PLAG1: variants seen among roughly 807,000 people sequenced by gnomAD.
PLAG1 encodes the protein PLAG1 zinc finger, also known as zinc finger protein PLAG1.
A neutral mutation model predicts 35.5 loss-of-function variants in PLAG1; 7 were observed. The ratio of observed to expected loss-of-function variants is 0.20; its 90% CI spans 0.11 to 0.37. PLAG1 has a LOEUF of 0.37. PLAG1 is among the 10% of genes least tolerant of loss of function. The pLI is 1.00. For synonymous variants in PLAG1, 229 were observed against 225.4 expected (o/e 1.02, Z -0.14); for missense variants, 454 against 602.8 (o/e 0.75, Z 2.58).
intron 2 of PLAG1, chr8:56,178,110 G>A (rs1051429177): frequency 4.1e-6 from 2 of 490,394 alleles, no homozygotes; most frequent in African/African-American, 2.1e-5. Context: ...TTTAGAAATA[G>A]CCAGTGAAGT....
intron 1 of PLAG1, among the ~76,000 whole-genome samples, chr8:56,208,261 G>T (rs1166046394): frequency 6.6e-6 from 1 of 152,126 alleles, no homozygotes; most frequent in Non-Finnish European, 1.5e-5. Flanking sequence ...AGTCTTAATG[G>T]CATTCTGAAA....
rs367971972 is a variant in PLAG1 at position 56,167,171 on chromosome 8, C to T, written c.575G>A (p.Arg192His). ...EKKHQCEHCD[R>H]RFYTRKDVRR... ...GACATCCTTTCGGGTGTAGAACCGG[C>T]GATCACAATGTTCGCACTGGTGCTT... The change falls in exon 5 of 5, where the codon CGC (arginine) becomes CAC (histidine). Residue 192 changes from arginine to histidine, a missense_variant. By Grantham distance (29) the Arg-to-His change is conservative. Around this residue, in one of 4 missense-constraint regions of PLAG1, gnomAD observed 170 missense variants for 226.3 expected, o/e 0.75. Transcript: ENST00000316981. The surrounding 1 kb of genome is among the most constrained non-coding windows in gnomAD (Gnocchi z 5.9). The T allele has an allele frequency of 2.2e-5, 36 of 1,613,514 alleles. No individual in the cohort carries two copies. Among genetic ancestry groups the T allele is most frequent in the South Asian group, 1.3e-4 (12 of 91,064 alleles).
At position 56,164,443 on chromosome 8, in the gene PLAG1, C is replaced by G. The variant is rs1364157928; in HGVS notation, c.*1800G>C. 1.4e-5 allele frequency: 3 copies of G among 219,988 alleles called. No homozygotes were observed. The highest frequency in any genetic ancestry group is 6.7e-5 in the African/African-American group (3 of 44,566). The allele number at this position is 219,988 out of a possible 1,614,324, so 13.6% of individuals were successfully genotyped here. On this transcript the variant is annotated 3_prime_UTR_variant, in exon 5 of 5. Coordinates refer to ENST00000316981, the MANE Select transcript of PLAG1 (RefSeq NM_002655.3). ...TAAATAATGTATTATATTCAGTAAT[C>G]TGCACTCATTTTTAGAAATTCTTGG...
chr8:56,188,714 T>G (rs1234026581), intron 1 of PLAG1, among the ~76,000 whole-genome samples: 3 of 152,224 alleles, frequency 2.0e-5, no homozygotes, highest in Non-Finnish European at 4.4e-5. Flanking sequence ...TTTTTTACCT[T>G]TCTTTAACTT....
chr8:56,178,909 G>A (rs369374954), intron 2 of PLAG1, among the ~76,000 whole-genome samples: 10 of 151,152 alleles, frequency 6.6e-5, no homozygotes, highest in South Asian at 2.1e-4. Flanking sequence ...CAACAATGCT[G>A]GCAAATTGCT....
rs943645179 is a variant in PLAG1 at position 56,160,981 on chromosome 8, C to T, written c.*5262G>A. On this transcript the variant is annotated 3_prime_UTR_variant, in exon 5 of 5. Coordinates refer to ENST00000316981, the MANE Select transcript of PLAG1 (RefSeq NM_002655.3). ...TCTTATTCTTACAGCAAACATAACACTGTAGGCCACAAGAAGCTGCAGTAC... is the reference window on the plus strand; with the variant it reads ...TCTTATTCTTACAGCAAACATAACATTGTAGGCCACAAGAAGCTGCAGTAC... 3.3e-5 allele frequency: 6 copies of T among 179,656 alleles called. No homozygotes were observed. Among genetic ancestry groups the T allele is most frequent in the African/African-American group, 7.1e-5 (3 of 42,358 alleles). 11.1% of individuals were successfully genotyped at this position (179,656 alleles called of 1,614,324 possible).
intron 1 of PLAG1, among the ~76,000 whole-genome samples, chr8:56,195,541 G>A (rs1812334680): frequency 6.6e-6 from 1 of 152,214 alleles, no homozygotes; most frequent in Non-Finnish European, 1.5e-5. Flanking sequence ...GCAGAGGGCA[G>A]GTGCCAGAGA....
intron 1 of PLAG1, among the ~76,000 whole-genome samples, chr8:56,180,615 C>T (rs1298917060): frequency 6.6e-6 from 1 of 152,158 alleles, no homozygotes; most frequent in Non-Finnish European, 1.5e-5. Flanking sequence ...ACGTTTAAGT[C>T]TTAAATCCAT....
chr8:56,180,147 C>T (rs945989551), intron 1 of PLAG1, among the ~76,000 whole-genome samples: 1 of 152,206 alleles, frequency 6.6e-6, no homozygotes, highest in Non-Finnish European at 1.5e-5. Context: ...TCAATGTTTG[C>T]ATCCGTCTGT....
At chr8:56,176,046 CTTTTTTT>C (rs1309523141) in intron 2 of PLAG1, among the ~76,000 whole-genome samples, 1 of 130,104 alleles carries the variant, frequency 7.7e-6, no homozygotes, top group Non-Finnish European at 1.6e-5. Flanking sequence ...TTTTCCTTTT[CTTTTTTT>C]TTTTTTTTTT....
In PLAG1 at chr8:56,166,936, C is replaced by T. The variant is rs766316215; in HGVS notation, c.810G>A (p.Met270Ile). ...VPIKDELLPV[M>I]SLPSSELLSK... ...ATAACAGTTCACTGGAAGGTAAGGA[C>T]ATCACCGGAAGGAGCTCGTCTTTTA... The change falls in exon 5 of 5, where the codon ATG becomes ATA. Residue 270 changes from methionine (M) to isoleucine (I), a missense_variant. Met to Ile is a conservative substitution (Grantham distance 10). Around this residue, in one of 4 missense-constraint regions of PLAG1, gnomAD observed 271 missense variants for 315.6 expected, o/e 0.86. Coordinates refer to ENST00000316981, the MANE Select transcript of PLAG1 (RefSeq NM_002655.3). 6.2e-7 allele frequency: 1 copy of T among 1,614,084 alleles called. No individual in the cohort carries two copies. Among genetic ancestry groups the T allele is most frequent in the South Asian group, 1.1e-5 (1 of 91,088 alleles).
chr8:56,201,530 C>T (rs1812553608), intron 1 of PLAG1, among the ~76,000 whole-genome samples: 1 of 152,148 alleles, frequency 6.6e-6, no homozygotes, highest in Non-Finnish European at 1.5e-5. Flanking sequence ...ATTACTCTGT[C>T]AACTCTATGC....
intron 1 of PLAG1, among the ~76,000 whole-genome samples, chr8:56,194,020 C>T (rs1418498792): frequency 6.6e-6 from 1 of 152,048 alleles, no homozygotes; most frequent in Admixed American, 6.5e-5. Flanking sequence ...GCCCGGCCTT[C>T]ATTAGGTAAA....
chr8:56,165,694 T>C lies in PLAG1; in HGVS notation c.*549A>G. On this transcript the variant is annotated 3_prime_UTR_variant, in exon 5 of 5. Transcript: ENST00000316981. ...CAGACAACAGGGAGTCTTCAGAATATACTGATCTGAAATTATGGTGTATCT... is the reference window on the plus strand; with the variant it reads ...CAGACAACAGGGAGTCTTCAGAATACACTGATCTGAAATTATGGTGTATCT... 5.1e-6 allele frequency: 1 copy of C among 197,012 alleles called. No individual in the cohort carries two copies. Among genetic ancestry groups the C allele is most frequent in the East Asian group, 8.0e-5 (1 of 12,556 alleles). 12.2% of individuals were successfully genotyped at this position (197,012 alleles called of 1,614,324 possible). A position where few individuals can be genotyped will look rare whatever the true frequency, so the allele number is the denominator to read the frequency against.
chr8:56,164,740 G>C lies in PLAG1; in HGVS notation c.*1503C>G, dbSNP rs1029163561. 3 of 215,200 alleles carry C rather than the reference G, an allele frequency of 1.4e-5. No homozygotes were observed. Among genetic ancestry groups the C allele is most frequent in the Non-Finnish European group, 2.8e-5 (3 of 106,492 alleles). 13.3% of individuals were successfully genotyped at this position (215,200 alleles called of 1,614,324 possible). A position where few individuals can be genotyped will look rare whatever the true frequency, so the allele number is the denominator to read the frequency against. On this transcript the variant is annotated 3_prime_UTR_variant, in exon 5 of 5. Transcript: ENST00000316981. ...TTAGACCTTTAAGAAGATTATGTTG[G>C]TTGTCTAATGTGAGGAAAAGCCTAT...
chr8:56,166,374 G>C lies in PLAG1; in HGVS notation c.1372C>G (p.Pro458Ala), dbSNP rs35883156. ...GGATCCTGAAGATCCTGTGTTTGTG[G>C]GGGGAGCTGGGAAACAGAAGAATGT... ...EAHSSVSQLP[P>A]QTQDLQDPAN... is the part of the protein sequence containing the mutation. Residue 458 changes from proline to alanine, a missense_variant, in exon 5 of 5, where the codon CCA (proline) becomes GCA (alanine). Around this residue, in one of 4 missense-constraint regions of PLAG1, gnomAD observed 271 missense variants for 315.6 expected, o/e 0.86. Coordinates refer to ENST00000316981, the MANE Select transcript of PLAG1 (RefSeq NM_002655.3). 3.1e-6 allele frequency: 5 copies of C among 1,613,736 alleles called. No homozygotes were observed. In the East Asian group the frequency reaches 6.7e-5, roughly 22 times the overall value.
intron 1 of PLAG1, among the ~76,000 whole-genome samples, chr8:56,203,929 A>T (rs2129235125): frequency 6.6e-6 from 1 of 152,138 alleles, no homozygotes; most frequent in African/African-American, 2.4e-5. Flanking sequence ...ACAATTTTAA[A>T]GGTGCAAGGA....
chr8:56,179,913 C>A (rs904599259), intron 1 of PLAG1, among the ~76,000 whole-genome samples: 3 of 152,032 alleles, frequency 2.0e-5, no homozygotes, highest in Non-Finnish European at 4.4e-5. Context: ...AGAAATCTTG[C>A]CCCATGAGTG....
rs886078832 is a variant in PLAG1, at chr8:56,178,695, GT to G, written c.-217+713del. 1.4e-3 allele frequency among the ~76,000 whole-genome samples: 212 copies of G among 151,052 alleles called. 1 individual carries two copies. The highest frequency in any genetic ancestry group is 4.8e-3 in the African/African-American group (196 of 41,208). On this transcript the variant is annotated intron_variant, in intron 2 of 4. Transcript: ENST00000316981. ...CCTGGTATCTGTCACAGCCACCATT[GT>G]TTTTTTTTCCAGTCTCCCCGTCCTA...
Sources: gnomAD v4.1 joint callset for allele counts (sites outside exome capture counted in the v4.1 genomes callset) on GRCh38, gnomAD v4.1.1 for gene constraint, gnomAD v4.1.1 regional missense constraint, Gnocchi (gnomAD v3.1) non-coding constraint, MANE v1.5 for transcripts, NCBI Gene and HGNC (gene_info 2026-07-23, HGNC 2026-07-21) for gene names.